Variants in FANCB observed in about 807,000 individuals in gnomAD.
The protein encoded by FANCB is FA complementation group B, also known as Fanconi anemia group B protein.
In FANCB, 5 loss-of-function variants were observed where a neutral mutation model predicts 38.9. The observed-to-expected ratio is 0.13, with a 90% CI of 0.07 to 0.27. The LOEUF is 0.27. FANCB is among the 10% of genes least tolerant of loss of function. The probability of loss-of-function intolerance (pLI) is 1.00; values close to 1 mark genes in which losing one functional copy is unlikely to be tolerated. For missense variants in FANCB, 573 were observed against 602.7 expected (o/e 0.95, Z 0.52); for synonymous variants, 236 against 215.4 (o/e 1.10, Z -0.84).
the FANCB span, among the ~76,000 whole-genome samples, chrX:14,790,835 G>A: frequency 8.9e-6 from 1 of 111,831 alleles, no homozygotes; most frequent in Non-Finnish European, 1.9e-5. Flanking sequence ...AAAAGGACCA[G>A]TGAGATAGAG....
rs990556958 is a variant in FANCB, at chrX:14,864,738, G to A, written c.773C>T (p.Ala258Val). The change falls in exon 3 of 10, where the codon GCC (alanine) becomes GTC (valine). Residue 258 changes from alanine to valine, a missense_variant. By Grantham distance (64) the Ala-to-Val change is moderately conservative (BLOSUM62 0). Transcript: ENST00000650831. ...AATCAGCTGATTCTTTCGAGTAAGG[G>A]CAATGAGAGATATTCTTAACTGGTT... is the stretch of plus-strand genomic sequence containing the variant. The part of the protein sequence containing the change: ...IKNQLRISLI[A>V]LTRKNQLISF... 1 of 1,209,988 alleles carries A rather than the reference G, an allele frequency of 8.3e-7. No individual in the cohort carries two copies. Among genetic ancestry groups the A allele is most frequent in the Non-Finnish European group, 1.1e-6 (1 of 894,971 alleles).
At chrX:14,703,278 G>A in the FANCB span, among the ~76,000 whole-genome samples, 1 of 111,452 alleles carries the variant, frequency 9.0e-6, no homozygotes, top group Non-Finnish European at 1.9e-5. Flanking sequence ...TTCTAGGGGA[G>A]AATCTGATTT....
At chrX:14,813,372 A>T in the FANCB span, among the ~76,000 whole-genome samples, 1 of 110,076 alleles carries the variant, frequency 9.1e-6, no homozygotes, top group Non-Finnish European at 1.9e-5. Context: ...GAGGAAGTCA[A>T]ATTGTCCCTA....
the FANCB span, among the ~76,000 whole-genome samples, chrX:14,828,482 T>C: frequency 8.9e-6 from 1 of 112,032 alleles, no homozygotes; most frequent in Non-Finnish European, 1.9e-5. Context: ...CAAGAGTAGA[T>C]TCCATCTCAA....
chrX:14,812,722 A>G, the FANCB span, among the ~76,000 whole-genome samples: 3 of 109,750 alleles, frequency 2.7e-5, no homozygotes, highest in African/African-American at 1.0e-4. Flanking sequence ...TCACTGCCGA[A>G]TTCTACCAGA....
At chrX:14,746,082 G>A in the FANCB span, among the ~76,000 whole-genome samples, 1 of 111,829 alleles carries the variant, frequency 8.9e-6, no homozygotes, top group African/African-American at 3.3e-5. Context: ...GTTAAGGGGA[G>A]CAAGATGAAG....
chrX:14,844,468 C>A, intron 9 of FANCB, 35 bp downstream of exon 9: 1 of 1,016,442 alleles, frequency 9.8e-7, no homozygotes, highest in Non-Finnish European at 1.4e-6. Context: ...TACACACTCA[C>A]TTCTCTGGAC....
At chrX:14,713,695 G>T in the FANCB span, among the ~76,000 whole-genome samples, 15 of 111,304 alleles carry the variant, frequency 1.3e-4, no homozygotes, top group African/African-American at 4.9e-4. Flanking sequence ...AAAGACTTCA[G>T]AGTTTGCATG....
the FANCB span, among the ~76,000 whole-genome samples, chrX:14,791,371 GAAA>G: frequency 1.8e-5 from 2 of 111,583 alleles, no homozygotes; most frequent in Non-Finnish European, 3.8e-5. Context: ...CAAGGAACTA[GAAA>G]TTGGGAGAGA....
the FANCB span, among the ~76,000 whole-genome samples, chrX:14,767,493 T>C: frequency 8.9e-6 from 1 of 111,966 alleles, no homozygotes; most frequent in African/African-American, 3.2e-5. Flanking sequence ...CATCTTCTTA[T>C]GAGCAGTATC....
the FANCB span, among the ~76,000 whole-genome samples, chrX:14,801,189 T>C: frequency 8.9e-6 from 1 of 112,181 alleles, no homozygotes; most frequent in Non-Finnish European, 1.9e-5. Context: ...TCATCAATGG[T>C]TCCAGTCTCT....
chrX:14,717,535 T>C, the FANCB span, among the ~76,000 whole-genome samples: 1 of 99,028 alleles, frequency 1.0e-5, no homozygotes, highest in African/African-American at 4.4e-5. Context: ...TACCTGTGCA[T>C]AAGCCTGCTC....
the FANCB span, among the ~76,000 whole-genome samples, chrX:14,813,020 T>A: frequency 3.1e-5 from 3 of 97,306 alleles, no homozygotes; most frequent in East Asian, 9.5e-4. Context: ...TATACGCAAA[T>A]CAATAAATGT....
At position 14,865,164 on chromosome X, in the gene FANCB, T is replaced by C; in HGVS notation, c.347A>G (p.Asn116Ser). 1 of 1,186,882 alleles carries C rather than the reference T, an allele frequency of 8.4e-7. No homozygotes were observed. Among genetic ancestry groups the C allele is most frequent in the Non-Finnish European group, 1.1e-6 (1 of 880,970 alleles). ...EYFLLILHST[N>S]KFEMRLSFKL... ...AAAACTCAAACGCATTTCAAATTTA[T>C]TAGTACTGTGAAGGATTAGTAAAAA... Residue 116 changes from asparagine (N) to serine (S), a missense_variant, in exon 3 of 10, where the codon AAT (asparagine) becomes AGT (serine). By Grantham distance (46) the Asn-to-Ser change is conservative. Coordinates refer to ENST00000650831, the MANE Select transcript of FANCB (RefSeq NM_001018113.3).
At chrX:14,690,649 T>C in the FANCB span, 36 of 833,926 alleles carry the variant, frequency 4.3e-5, no homozygotes, top group African/African-American at 5.3e-4. Flanking sequence ...CAGGCTTTCA[T>C]AGTCTTTCTT....
At chrX:14,730,386 G>T in the FANCB span, 8 of 1,205,995 alleles carry the variant, frequency 6.6e-6, no homozygotes, top group Non-Finnish European at 9.0e-6. Flanking sequence ...GGATTGACAC[G>T]ATATCTCGAG....
At chrX:14,844,433 T>C (rs758061483) in intron 9 of FANCB, 70 bp downstream of exon 9, 1 of 768,641 alleles carries the variant, frequency 1.3e-6, no homozygotes, top group African/African-American at 2.1e-5. Context: ...CGGATCGCTG[T>C]TGAACCACAC....
rs776502257 is a variant in FANCB, at chrX:14,859,174, G to A, written c.1104+8C>T. ...TAAAATACCATATAATAAGTAAATAGAACTTACCGAATAGTTTATTTTTCC... is the reference window on the plus strand; with the variant it reads ...TAAAATACCATATAATAAGTAAATAAAACTTACCGAATAGTTTATTTTTCC... On this transcript the variant is annotated splice_region_variant and intron_variant, in intron 4 of 9. Coordinates refer to ENST00000650831, the MANE Select transcript of FANCB (RefSeq NM_001018113.3). 8.7e-7 allele frequency: 1 copy of A among 1,150,283 alleles called. No individual in the cohort carries two copies. Among genetic ancestry groups the A allele is most frequent in the South Asian group, 1.8e-5 (1 of 54,358 alleles). 94.8% of individuals were successfully genotyped at this position (1,150,283 alleles called of 1,213,427 possible). A position where few individuals can be genotyped will look rare whatever the true frequency, so the allele number is the denominator to read the frequency against.
the FANCB span, among the ~76,000 whole-genome samples, chrX:14,710,896 C>G: frequency 8.9e-6 from 1 of 112,011 alleles, no homozygotes; most frequent in Non-Finnish European, 1.9e-5. Context: ...TCAACATTTC[C>G]AACAAATGGC....
Sources: gnomAD v4.1 joint callset for allele counts (sites outside exome capture counted in the v4.1 genomes callset) on GRCh38, gnomAD v4.1.1 for gene constraint, MANE v1.5 for transcripts, NCBI Gene and HGNC (gene_info 2026-07-23, HGNC 2026-07-21) for gene names.